STAC2: variants seen among roughly 807,000 people sequenced by gnomAD.
STAC2 encodes SH3 and cysteine rich domain 2.
STAC2 carries 36 observed loss-of-function variants against 49.0 expected under a neutral mutation model. The observed-to-expected ratio is 0.74, with a 90% confidence interval of 0.56 to 0.97. STAC2 has a LOEUF of 0.97. STAC2 is among the 50% of genes least tolerant of loss of function. The pLI is 0.00. For missense variants in STAC2, 527 were observed against 543.8 expected, an observed-to-expected ratio of 0.97 and a Z score of 0.31; for synonymous variants, 239 against 214.7, an observed-to-expected ratio of 1.11 and a Z score of -0.99.
At chr17:39,213,397 G>A in intron 9 of STAC2, 110 bp downstream of exon 9, 1 of 1,393,444 alleles carries the variant, frequency 7.2e-7, no homozygotes, top group Non-Finnish European at 9.9e-7. Flanking sequence ...AGTGGTTGGA[G>A]GAGAGGTTGT....
At chr17:39,214,560 C>A (rs1356887010) in intron 7 of STAC2, 2 of 811,128 alleles carry the variant, frequency 2.5e-6, no homozygotes, top group African/African-American at 3.7e-5. Flanking sequence ...CTGGGGCTGC[C>A]TGCCTTTGGG....
chr17:39,214,385 C>G, intron 7 of STAC2, 55 bp from the exon 8 acceptor site: 2 of 1,609,750 alleles, frequency 1.2e-6, no homozygotes, highest in East Asian at 2.2e-5. Context: ...ACTCCCCCCA[C>G]TCTCCACTCG....
chr17:39,212,944 G>C (rs576667507), intron 10 of STAC2, 51 bp downstream of exon 10: 1 of 1,598,546 alleles, frequency 6.3e-7, no homozygotes, highest in Non-Finnish European at 8.5e-7. Flanking sequence ...TGTCTCCCCC[G>C]CCCACTCCCT....
intron 2 of STAC2, 50 bp downstream of exon 2, chr17:39,217,817 G>A (rs1273799849): frequency 1.3e-6 from 2 of 1,549,868 alleles, no homozygotes; most frequent in Non-Finnish European, 1.7e-6. Context: ...CCACTCCCCA[G>A]TACCCACGCT....
intron 8 of STAC2, among the ~76,000 whole-genome samples, chr17:39,213,883 G>C (rs1369963008): frequency 2.0e-5 from 3 of 151,910 alleles, no homozygotes; most frequent in African/African-American, 7.3e-5. Context: ...CACTATGTTG[G>C]CCAGGCTGGT....
intron 10 of STAC2, 76 bp downstream of exon 10, chr17:39,212,919 C>A: frequency 6.3e-7 from 1 of 1,576,782 alleles, no homozygotes; most frequent in South Asian, 1.2e-5. Flanking sequence ...GAGCATTTAC[C>A]CCCGCACCGC....
rs139907030 is a variant in STAC2 at position 39,221,735 on chromosome 17, C to G, written c.91-3562G>C. Among the ~76,000 whole-genome samples, 714 of 152,040 alleles carry G rather than the reference C, an allele frequency of 4.7e-3. 4 individuals are homozygous for G. The Middle Eastern group carries it at 0.061, about 13-fold the overall frequency. On this transcript the variant is annotated intron_variant, in intron 1 of 10. Coordinates refer to ENST00000333461, the MANE Select transcript of STAC2 (RefSeq NM_198993.5). The stretch of plus-strand genomic sequence containing the variant: ...CCCTGCATGGGCCTCACCCTCGCCT[C>G]TCAGCTGGGCCCTGCCTGGGCCTCA...
At chr17:39,218,210 GA>G (rs747869564) in intron 1 of STAC2, 37 bp from the exon 2 acceptor site, 12 of 1,611,146 alleles carry the variant, frequency 7.4e-6, no homozygotes, top group Non-Finnish European at 1.0e-5. Context: ...TGGGAGCCTA[GA>G]GGGGGCTGGC....
chr17:39,218,115 T>C lies in STAC2; in HGVS notation c.149A>G (p.Glu50Gly), dbSNP rs1456572776. 1 of 1,613,420 alleles carries C rather than the reference T, an allele frequency of 6.2e-7. No homozygotes were observed. Among genetic ancestry groups the C allele is most frequent in the Admixed American group, 1.7e-5 (1 of 60,008 alleles). The change falls in exon 2 of 11, where the codon GAG becomes GGG. Residue 50 changes from glutamate to glycine, a missense_variant. Transcript: ENST00000333461. Reference protein sequence around the residue: ...LKTILRSKSLENFFLRSGSEL... With the variant: ...LKTILRSKSLGNFFLRSGSEL... ...AGAGCCCGAGCGAAGGAAGAAGTTC[T>C]CCAAGCTCTTACTTCGGAGGATGGT... is the stretch of plus-strand genomic sequence containing the variant.
intron 9 of STAC2, 85 bp downstream of exon 9, chr17:39,213,422 G>T: frequency 6.5e-7 from 1 of 1,530,236 alleles, no homozygotes; most frequent in East Asian, 2.3e-5. Context: ...GGGGCCTGGA[G>T]AGAAGGTGGG....
At chr17:39,214,190 G>A in intron 8 of STAC2, 43 bp downstream of exon 8, 2 of 1,604,490 alleles carry the variant, frequency 1.2e-6, no homozygotes, top group Non-Finnish European at 1.7e-6. Context: ...AGGTCTGGGA[G>A]CGCAGAGCTG....
At chr17:39,224,290 A>T (rs554027552) in intron 1 of STAC2, among the ~76,000 whole-genome samples, 1 of 152,306 alleles carries the variant, frequency 6.6e-6, no homozygotes, top group East Asian at 1.9e-4. Context: ...CCTCTGGAGA[A>T]CAGGAGCAGG....
chr17:39,225,333 C>A lies in STAC2; in HGVS notation c.90+80G>T. The A allele has an allele frequency of 7.9e-7, 1 of 1,262,444 alleles. No homozygotes were observed. Among genetic ancestry groups the A allele is most frequent in the Non-Finnish European group, 1.1e-6 (1 of 934,554 alleles). The allele number at this position is 1,262,444 out of a possible 1,614,324, so 78.2% of individuals were successfully genotyped here. The stretch of plus-strand genomic sequence containing the variant: ...GCCTCGCGACCGCGACCCTAGGACG[C>A]CCGGGCCCACAGGAGGACCCCGCCG... On this transcript the variant is annotated intron_variant, in intron 1 of 10. Transcript: ENST00000333461. The surrounding 1 kb of genome is among the most constrained non-coding windows in gnomAD (Gnocchi z 8.2).
Position 39,212,208 on chromosome 17 carries a change from GGAC to G in STAC2, c.*81_*83del, listed in dbSNP as rs2046360179. On this transcript the variant is annotated 3_prime_UTR_variant, in exon 11 of 11. Coordinates refer to ENST00000333461, the MANE Select transcript of STAC2 (RefSeq NM_198993.5). ...GACAGAGGGAGGAAGGGTATGGAGTGGACAAGGGGGCCTGATCCCCTCCCTGGC... is the reference window on the plus strand; with the variant it reads ...GACAGAGGGAGGAAGGGTATGGAGTGAAGGGGGCCTGATCCCCTCCCTGGC... 1.0e-6 allele frequency: 1 copy of G among 982,182 alleles called. No homozygotes were observed. The highest frequency in any genetic ancestry group is 1.6e-5 in the African/African-American group (1 of 62,078). The allele number at this position is 982,182 out of a possible 1,614,324, so 60.8% of individuals were successfully genotyped here. A position where few individuals can be genotyped will look rare whatever the true frequency, so the allele number is the denominator to read the frequency against.
chr17:39,214,414 G>A (rs2046382887), intron 7 of STAC2, 84 bp from the exon 8 acceptor site: 2 of 1,586,628 alleles, frequency 1.3e-6, no homozygotes, highest in Non-Finnish European at 1.7e-6. Context: ...GTGCTACCCT[G>A]GGGGCTGTGA....
At chr17:39,212,877 C>T in intron 10 of STAC2, 118 bp downstream of exon 10, 2 of 1,485,580 alleles carry the variant, frequency 1.3e-6, no homozygotes, top group South Asian at 1.3e-5. Context: ...ACCCGCTTTC[C>T]CCTCAACTGC....
At position 39,225,168 on chromosome 17, in the gene STAC2, G is replaced by T. The variant is rs2144268556; in HGVS notation, c.90+245C>A. Reference sequence around the variant, plus strand: ...TCGCTGCGCCCATCTCTCCAACGAAGACCAGTGGCCGCCTCCCCAGAAGGT... The same window carrying T: ...TCGCTGCGCCCATCTCTCCAACGAATACCAGTGGCCGCCTCCCCAGAAGGT... On this transcript the variant is annotated intron_variant, in intron 1 of 10. Coordinates refer to ENST00000333461, the MANE Select transcript of STAC2 (RefSeq NM_198993.5). The surrounding 1 kb of genome is among the most constrained non-coding windows in gnomAD (Gnocchi z 8.2). 1.3e-5 allele frequency among the ~76,000 whole-genome samples: 2 copies of T among 152,262 alleles called. No individual in the cohort carries two copies. The highest frequency in any genetic ancestry group is 3.9e-4 in the East Asian group (2 of 5,170).
rs2046381659 is a variant in STAC2, at chr17:39,214,321, C to T, written c.853G>A (p.Ala285Thr). Residue 285 changes from alanine (A) to threonine (T), a missense_variant, in exon 8 of 11, where the codon GCC (alanine) becomes ACC (threonine). Ala to Thr is a moderately conservative substitution (Grantham distance 58). Coordinates refer to ENST00000333461, the MANE Select transcript of STAC2 (RefSeq NM_198993.5). ...GGCCCCACATCCTTCCGCAGGGTGG[C>T]TTTGGGGAGCTGCGGGAGAATCTCT... is the stretch of plus-strand genomic sequence containing the variant. Reference protein sequence around the residue: ...EKSPGQQLPKATLRKDVGPMY... With the variant: ...EKSPGQQLPKTTLRKDVGPMY... 1.2e-6 allele frequency: 2 copies of T among 1,613,974 alleles called. No individual in the cohort carries two copies.
At chr17:39,216,552 G>A (rs896572881) in intron 4 of STAC2, among the ~76,000 whole-genome samples, 28 of 152,220 alleles carry the variant, frequency 1.8e-4, no homozygotes, top group African/African-American at 6.3e-4. Flanking sequence ...AAGGGAAATG[G>A]TAGGAACTGT....
Sources: allele counts gnomAD v4.1 joint callset (sites outside exome capture counted in the v4.1 genomes callset), GRCh38; gene constraint gnomAD v4.1.1; non-coding constraint Gnocchi (gnomAD v3.1); transcripts MANE v1.5; gene names NCBI Gene and HGNC (gene_info 2026-07-23, HGNC 2026-07-21).